TRIM37: variants seen among roughly 807,000 people sequenced by gnomAD.
TRIM37 encodes the protein tripartite motif containing 37.
TRIM37 carries 80 observed loss-of-function variants against 129.8 expected under a neutral mutation model. The ratio of observed to expected loss-of-function variants is 0.62; its 90% CI spans 0.51 to 0.74. The LOEUF (loss-of-function observed/expected upper bound fraction) is 0.74, where lower values mean the gene tolerates loss of function less well. TRIM37 is among the 30% of genes least tolerant of loss of function. TRIM37 has a pLI of 0.00. For synonymous variants in TRIM37, 389 were observed against 387.1 expected (o/e 1.00, Z -0.06); for missense variants, 1,054 against 1,176.5 (o/e 0.90, Z 1.52).
intron 5 of TRIM37, among the ~76,000 whole-genome samples, chr17:59,082,254 G>C (rs541579508): frequency 2.6e-5 from 4 of 152,182 alleles, no homozygotes; most frequent in Non-Finnish European, 4.4e-5. Context: ...CTGGGTGACA[G>C]AGTGAGACTC....
intron 13 of TRIM37, among the ~76,000 whole-genome samples, chr17:59,055,094 T>C (rs543782862): frequency 4.1e-4 from 62 of 152,050 alleles, no homozygotes; most frequent in African/African-American, 1.4e-3. Context: ...CCCAGCACTA[T>C]GGGAGGCCGA....
chr17:59,081,716 T>G (rs1349216685), intron 5 of TRIM37, among the ~76,000 whole-genome samples: 1 of 151,932 alleles, frequency 6.6e-6, no homozygotes, highest in African/African-American at 2.4e-5. Context: ...ATGACTGGCC[T>G]GGCCAACACG....
chr17:58,980,625 G>T (rs2143824909), downstream of TRIM37: 1 of 1,614,196 alleles, frequency 6.2e-7, no homozygotes, highest in African/African-American at 1.3e-5. The surrounding 1 kb of genome is among the most constrained non-coding windows in gnomAD (Gnocchi z 4.7). Flanking sequence ...CCTGAATGGA[G>T]TGGTGCTGGA....
At chr17:58,983,025 C>T (rs1359511248) in intron 24 of TRIM37, 1 of 1,061,008 alleles carries the variant, frequency 9.4e-7, no homozygotes, top group Non-Finnish European at 1.4e-6. Flanking sequence ...CTATTGTTGT[C>T]TATTGGTAAT....
At chr17:59,034,750 C>G (rs2038274458) in intron 17 of TRIM37, among the ~76,000 whole-genome samples, 1 of 152,118 alleles carries the variant, frequency 6.6e-6, no homozygotes, top group Admixed American at 6.5e-5. Context: ...TCTTTCCAAG[C>G]TATTCTGTGT....
intron 2 of TRIM37, among the ~76,000 whole-genome samples, chr17:59,092,084 CT>C (rs1199551716): frequency 1.3e-5 from 2 of 151,874 alleles, no homozygotes; most frequent in Admixed American, 6.6e-5. Context: ...TACAGCACAA[CT>C]TTTAAGTCTT....
intron 17 of TRIM37, among the ~76,000 whole-genome samples, chr17:59,041,135 A>G (rs928487894): frequency 6.6e-6 from 1 of 152,188 alleles, no homozygotes; most frequent in Admixed American, 6.5e-5. Flanking sequence ...ACTTTTAATT[A>G]CTCTAACCAA....
At chr17:59,106,134 G>C (rs895928816) in intron 1 of TRIM37, among the ~76,000 whole-genome samples, 3 of 152,226 alleles carry the variant, frequency 2.0e-5, no homozygotes, top group African/African-American at 7.2e-5. Flanking sequence ...ACATCCATCT[G>C]ATGAATCTGC....
At chr17:59,091,607 AAT>A (rs1212676852) in intron 2 of TRIM37, among the ~76,000 whole-genome samples, 97 of 119,042 alleles carry the variant, frequency 8.1e-4, no homozygotes, top group East Asian at 1.3e-3. Context: ...TTATATATAT[AAT>A]ATATATATAA....
At chr17:58,986,455 G>A (rs926402911) in intron 24 of TRIM37, among the ~76,000 whole-genome samples, 1 of 150,632 alleles carries the variant, frequency 6.6e-6, no homozygotes, top group African/African-American at 2.4e-5. Context: ...CTCCCACCTC[G>A]GCCTCCCTAA....
rs2043236489 is a variant in TRIM37 at position 59,081,331 on chromosome 17, T to C, written c.370-112A>G. Reference sequence around the variant, plus strand: ...ACTGGTAAATCTCTCAAATGAACTTTACCTTATTAGCTAATTTAATTTTGT... The same window carrying C: ...ACTGGTAAATCTCTCAAATGAACTTCACCTTATTAGCTAATTTAATTTTGT... On this transcript the variant is annotated intron_variant, in intron 5 of 23. Transcript: ENST00000262294. 18 of 1,452,100 alleles carry C rather than the reference T, an allele frequency of 1.2e-5. No homozygotes were observed. In the South Asian group the frequency reaches 2.0e-4, roughly 16 times the overall value. The allele number at this position is 1,452,100 out of a possible 1,614,324, so 90.0% of individuals were successfully genotyped here. A position where few individuals can be genotyped will look rare whatever the true frequency, so the allele number is the denominator to read the frequency against.
At chr17:59,067,151 T>C (rs1479566185) in intron 9 of TRIM37, among the ~76,000 whole-genome samples, 1 of 152,232 alleles carries the variant, frequency 6.6e-6, no homozygotes, top group Non-Finnish European at 1.5e-5. Flanking sequence ...TACAAAGCTA[T>C]TGCTACTGCT....
At chr17:59,076,915 A>T (rs768394827) in intron 7 of TRIM37, among the ~76,000 whole-genome samples, 43 of 151,976 alleles carry the variant, frequency 2.8e-4, no homozygotes, top group Non-Finnish European at 5.4e-4. Flanking sequence ...CAGTCTCCTG[A>T]GTAGCTGAGA....
At chr17:59,096,557 A>AC (rs1366676603) in intron 2 of TRIM37, among the ~76,000 whole-genome samples, 5 of 141,450 alleles carry the variant, frequency 3.5e-5, no homozygotes, top group African/African-American at 7.5e-5. Context: ...CTCAAAAAAA[A>AC]AAAAACAAAA....
chr17:59,102,062 T>A (rs1248537074), intron 2 of TRIM37, among the ~76,000 whole-genome samples: 1 of 152,134 alleles, frequency 6.6e-6, no homozygotes, highest in Non-Finnish European at 1.5e-5. Context: ...ATGAATAATC[T>A]GATCTTGAAC....
chr17:58,992,234 T>A (rs2032480806), intron 24 of TRIM37, among the ~76,000 whole-genome samples: 1 of 136,772 alleles, frequency 7.3e-6, no homozygotes, highest in African/African-American at 2.7e-5. Context: ...CAACTTACTC[T>A]CCAGGCACAC....
intron 11 of TRIM37, 64 bp from the exon 12 acceptor site, chr17:59,061,172 A>G: frequency 8.1e-7 from 1 of 1,230,328 alleles, no homozygotes; most frequent in Non-Finnish European, 1.2e-6. Context: ...AAATGCAGAT[A>G]ATATCTGATA....
intron 15 of TRIM37, among the ~76,000 whole-genome samples, chr17:59,048,175 A>C (rs2146099901): frequency 6.6e-6 from 1 of 152,104 alleles, no homozygotes; most frequent in East Asian, 1.9e-4. Context: ...ATCTGCACAG[A>C]AAAAAAATAC....
chr17:58,989,919 G>T (rs981443538), intron 24 of TRIM37, among the ~76,000 whole-genome samples: 38 of 152,048 alleles, frequency 2.5e-4, no homozygotes, highest in African/African-American at 8.4e-4. Context: ...GGTGAGGTGG[G>T]TCACACCTGT....
Sources: gnomAD v4.1 joint callset for allele counts (sites outside exome capture counted in the v4.1 genomes callset) on GRCh38, gnomAD v4.1.1 for gene constraint, Gnocchi (gnomAD v3.1) non-coding constraint, MANE v1.5 for transcripts, NCBI Gene and HGNC (gene_info 2026-07-23, HGNC 2026-07-21) for gene names.